MCC: variants seen among roughly 807,000 people sequenced by gnomAD.
The protein encoded by MCC is MCC regulator of Wnt signaling pathway.
A neutral mutation model predicts 116.2 loss-of-function variants in MCC; 90 were observed. That is an observed-to-expected ratio of 0.77 (90% CI 0.65 to 0.92). The LOEUF is 0.92. Among genes scored for constraint, MCC ranks in the 40% least tolerant of loss-of-function variants. The pLI is 0.00. For synonymous variants in MCC, 578 were observed against 510.5 expected (o/e 1.13, Z -1.78); for missense variants, 1,516 against 1,312.2 (o/e 1.16, Z -2.40).
chr5:113,042,058 A>T (rs1477074075), intron 17 of MCC, among the ~76,000 whole-genome samples: 1 of 152,116 alleles, frequency 6.6e-6, no homozygotes, highest in Non-Finnish European at 1.5e-5. Flanking sequence ...AAGAATGAAC[A>T]CACAAACAAG....
chr5:113,196,044 G>A (rs1762388944), intron 3 of MCC, among the ~76,000 whole-genome samples: 2 of 152,322 alleles, frequency 1.3e-5, no homozygotes, highest in South Asian at 4.2e-4. Context: ...AGGCAGCTCA[G>A]GCAGCAGTAG....
At chr5:113,462,126 C>A (rs1165595116) in intron 1 of MCC, among the ~76,000 whole-genome samples, 2 of 152,318 alleles carry the variant, frequency 1.3e-5, no homozygotes, top group East Asian at 3.9e-4. Flanking sequence ...CTTTACTTTT[C>A]AAAGTCAGGT....
In MCC at chr5:113,150,946, C is replaced by T. The variant is rs1473395325; in HGVS notation, c.741+363G>A. On this transcript the variant is annotated intron_variant, in intron 4 of 18. Transcript: ENST00000408903. ...GTAGTCCCAGCTACTTGGGAGGCTG[C>T]GGTGTGAGGAATGCTTGAGCCTGGG... 4.6e-5 allele frequency among the ~76,000 whole-genome samples: 7 copies of T among 152,086 alleles called. No individual in the cohort carries two copies. In the South Asian group the frequency reaches 8.3e-4, roughly 18 times the overall value.
intron 11 of MCC, among the ~76,000 whole-genome samples, chr5:113,078,290 C>T (rs1362922283): frequency 6.6e-6 from 1 of 152,226 alleles, no homozygotes; most frequent in Admixed American, 6.5e-5. Context: ...AGGGAATCCT[C>T]CCTCATTCAT....
chr5:113,166,276 T>C (rs1430636150), intron 3 of MCC, among the ~76,000 whole-genome samples: 1 of 152,202 alleles, frequency 6.6e-6, no homozygotes, highest in Non-Finnish European at 1.5e-5. Flanking sequence ...AATCTAAGTC[T>C]GGCAGTGACT....
intron 6 of MCC, among the ~76,000 whole-genome samples, chr5:113,107,874 G>A (rs1756841302): frequency 6.6e-6 from 1 of 152,262 alleles, no homozygotes; most frequent in African/African-American, 2.4e-5. Flanking sequence ...GCAGGAAGAG[G>A]GGCTAGGCAT....
intron 1 of MCC, among the ~76,000 whole-genome samples, chr5:113,407,924 T>A (rs1203414337): frequency 6.6e-6 from 1 of 152,166 alleles, no homozygotes; most frequent in Non-Finnish European, 1.5e-5. Context: ...AAATGAAAAC[T>A]TAGCCCAGAC....
intron 1 of MCC, among the ~76,000 whole-genome samples, chr5:113,457,797 G>A (rs555551184): frequency 2.0e-5 from 3 of 147,208 alleles, no homozygotes; most frequent in Admixed American, 2.0e-4. Context: ...GAACCTTTAT[G>A]TCTAGCTCAG....
chr5:113,212,730 T>C (rs1246949981), intron 3 of MCC, among the ~76,000 whole-genome samples: 1 of 152,134 alleles, frequency 6.6e-6, no homozygotes, highest in Non-Finnish European at 1.5e-5. Flanking sequence ...AACACCTAAA[T>C]ACAACACTGG....
intron 6 of MCC, among the ~76,000 whole-genome samples, chr5:113,115,644 C>CCACCT (rs1476197684): frequency 1.3e-5 from 2 of 152,242 alleles, no homozygotes; most frequent in East Asian, 3.9e-4. Flanking sequence ...TCCTAGTCAT[C>CCACCT]CACCTCCAGC....
intron 3 of MCC, among the ~76,000 whole-genome samples, chr5:113,324,957 C>T (rs1408273063): frequency 6.6e-6 from 1 of 151,198 alleles, no homozygotes; most frequent in Non-Finnish European, 1.5e-5. Context: ...CCTAGCCTCC[C>T]AAGTAGCTGG....
At chr5:113,461,940 A>G (rs1472901077) in intron 1 of MCC, among the ~76,000 whole-genome samples, 1 of 152,148 alleles carries the variant, frequency 6.6e-6, no homozygotes, top group African/African-American at 2.4e-5. Flanking sequence ...AATAGAGGAC[A>G]CACTAGGTTA....
chr5:113,281,162 C>T (rs377609358), intron 3 of MCC, among the ~76,000 whole-genome samples: 45 of 152,336 alleles, frequency 3.0e-4, no homozygotes, highest in African/African-American at 9.4e-4. Context: ...GCCTTCGTTG[C>T]TATGGGGGAT....
At chr5:113,065,124 G>C (rs1184049740) in intron 13 of MCC, among the ~76,000 whole-genome samples, 1 of 152,210 alleles carries the variant, frequency 6.6e-6, no homozygotes. Context: ...GTGGACTCAA[G>C]TTGTTATACA....
intron 3 of MCC, among the ~76,000 whole-genome samples, chr5:113,218,436 T>C (rs952046052): frequency 6.6e-6 from 1 of 152,154 alleles, no homozygotes; most frequent in Admixed American, 6.5e-5. Context: ...TCCTTGTTCC[T>C]GACATTACCG....
intron 3 of MCC, among the ~76,000 whole-genome samples, chr5:113,171,692 T>C (rs1231699901): frequency 6.6e-6 from 1 of 152,114 alleles, no homozygotes; most frequent in Non-Finnish European, 1.5e-5. Flanking sequence ...GAACATCTAA[T>C]TGGTGGCTCT....
chr5:113,457,825 A>T (rs1375195797), intron 1 of MCC, among the ~76,000 whole-genome samples: 7 of 149,848 alleles, frequency 4.7e-5, no homozygotes, highest in Admixed American at 3.9e-4. Flanking sequence ...AAATACACCA[A>T]TCGGCACTCT....
At chr5:113,386,386 C>T (rs538750962) in intron 1 of MCC, among the ~76,000 whole-genome samples, 2 of 152,246 alleles carry the variant, frequency 1.3e-5, no homozygotes, top group East Asian at 1.9e-4. Flanking sequence ...ATTCCCTAGG[C>T]TCACAAAATT....
rs1378892349 is a variant in MCC at position 113,076,911 on chromosome 5, C to G, written c.1785-5677G>C. Among the ~76,000 whole-genome samples, 4 of 152,282 alleles carry G rather than the reference C, an allele frequency of 2.6e-5. No homozygotes were observed. The East Asian group carries it at 7.7e-4, about 29-fold the overall frequency. On this transcript the variant is annotated intron_variant, in intron 11 of 18. Transcript: ENST00000408903. ...ATGAGTGTGCTGTATTCAAGAAACC[C>G]ATCTCACGAGCAGAGACACACATGG...
Sources: gnomAD v4.1 joint callset for allele counts (sites outside exome capture counted in the v4.1 genomes callset) on GRCh38, gnomAD v4.1.1 for gene constraint, MANE v1.5 for transcripts, NCBI Gene and HGNC (gene_info 2026-07-23, HGNC 2026-07-21) for gene names.